Variants in PAMR1 observed in about 807,000 individuals in gnomAD.
PAMR1 encodes the protein peptidase domain containing associated with muscle regeneration 1.
Under a neutral mutation model 81.8 loss-of-function variants are expected in PAMR1, and 88 were observed. That is an observed-to-expected ratio of 1.08 (90% CI 0.91 to 1.28). The LOEUF (loss-of-function observed/expected upper bound fraction) is 1.28, where lower values mean the gene tolerates loss of function less well. PAMR1 is among the 50% of genes most tolerant of loss of function. PAMR1 has a pLI of 0.00. For synonymous variants in PAMR1, 336 were observed against 345.3 expected (o/e 0.97, Z 0.30); for missense variants, 935 against 919.7 (o/e 1.02, Z -0.21).
intron 5 of PAMR1, among the ~76,000 whole-genome samples, chr11:35,468,558 A>G (rs1856797356): frequency 6.6e-6 from 1 of 152,256 alleles, no homozygotes; most frequent in African/African-American, 2.4e-5. Flanking sequence ...AGGTATATTC[A>G]ATAATTTCCA....
At chr11:35,453,468 AAAC>A (rs1856463808) in intron 6 of PAMR1, 1 of 150,014 alleles carries the variant, frequency 6.7e-6, no homozygotes, top group East Asian at 2.0e-4. Flanking sequence ...ATCCTACATC[AAAC>A]AACTACTCCC....
upstream of PAMR1, among the ~76,000 whole-genome samples, chr11:35,527,983 T>C (rs1851418337): frequency 6.6e-6 from 1 of 152,100 alleles, no homozygotes; most frequent in Non-Finnish European, 1.5e-5. Context: ...GTGGGGTTTC[T>C]TTTCATCTTC....
At chr11:35,436,871 A>T (rs1856059402) in intron 8 of PAMR1, among the ~76,000 whole-genome samples, 1 of 152,362 alleles carries the variant, frequency 6.6e-6, no homozygotes, top group Middle Eastern at 3.4e-3. Flanking sequence ...TAATTGCAAC[A>T]TTAAACAAAA....
chr11:35,506,014 T>G (rs1850943890), intron 1 of PAMR1, among the ~76,000 whole-genome samples: 1 of 152,056 alleles, frequency 6.6e-6, no homozygotes, highest in African/African-American at 2.4e-5. Context: ...TTTTACTGTA[T>G]CTATTACAGA....
intron 3 of PAMR1, among the ~76,000 whole-genome samples, chr11:35,481,043 T>C (rs553815703): frequency 4.6e-5 from 7 of 152,242 alleles, no homozygotes; most frequent in Non-Finnish European, 1.0e-4. Flanking sequence ...CTCATTCCTT[T>C]TTATGGCTAC....
chr11:35,505,675 C>G (rs112849231), intron 1 of PAMR1, among the ~76,000 whole-genome samples: 174 of 152,232 alleles, frequency 1.1e-3, no homozygotes, highest in African/African-American at 4.0e-3. Context: ...TATAACCACT[C>G]TTGCTCTTTT....
chr11:35,481,556 T>C (rs564982783), intron 3 of PAMR1, among the ~76,000 whole-genome samples: 14 of 152,076 alleles, frequency 9.2e-5, no homozygotes, highest in Admixed American at 8.5e-4. Flanking sequence ...AGATTCTTGC[T>C]CCGTTGCCCA....
At chr11:35,500,028 G>C (rs1850801570) in intron 1 of PAMR1, among the ~76,000 whole-genome samples, 1 of 152,188 alleles carries the variant, frequency 6.6e-6, no homozygotes, top group African/African-American at 2.4e-5. Context: ...AACCCAAGGA[G>C]GCAGGCAGGC....
intron 4 of PAMR1, 151 bp from the exon 5 acceptor site, chr11:35,470,969 C>G: frequency 1.6e-6 from 1 of 630,326 alleles, no homozygotes. Context: ...CAGAGGTTGG[C>G]GAATTTCTCT....
intron 1 of PAMR1, among the ~76,000 whole-genome samples, chr11:35,504,473 T>C (rs530526950): frequency 9.9e-5 from 15 of 152,254 alleles, no homozygotes; most frequent in African/African-American, 3.6e-4. Context: ...TCTTTAAATG[T>C]TTGGTAGAAT....
chr11:35,478,032 G>A (rs1358940305), intron 3 of PAMR1, among the ~76,000 whole-genome samples: 2 of 152,162 alleles, frequency 1.3e-5, no homozygotes, highest in Non-Finnish European at 2.9e-5. Flanking sequence ...TTCCCAGCCT[G>A]TAAGGTGTTA....
intron 6 of PAMR1, among the ~76,000 whole-genome samples, chr11:35,466,777 C>T (rs1345087191): frequency 1.6e-5 from 2 of 124,660 alleles, no homozygotes; most frequent in African/African-American, 6.0e-5. Context: ...TAATTCAAAA[C>T]ATACACAAAC....
At chr11:35,524,105 T>C (rs962027693) in intron 1 of PAMR1, among the ~76,000 whole-genome samples, 3 of 152,052 alleles carry the variant, frequency 2.0e-5, no homozygotes, top group Non-Finnish European at 4.4e-5. Flanking sequence ...ACCGACACCA[T>C]GCAAAGGCGA....
intron 1 of PAMR1, among the ~76,000 whole-genome samples, chr11:35,512,492 A>G (rs1851091334): frequency 6.6e-6 from 1 of 152,226 alleles, no homozygotes; most frequent in Admixed American, 6.5e-5. Flanking sequence ...CTGAGAGTTC[A>G]TGCCTCTGAC....
chr11:35,519,777 C>G (rs114183276), intron 1 of PAMR1, among the ~76,000 whole-genome samples: 1,607 of 152,288 alleles, frequency 0.011, 20 homozygotes, highest in African/African-American at 0.036. Flanking sequence ...AATCAGACAC[C>G]CTTACTAACA....
chr11:35,508,807 T>C (rs776874751), intron 1 of PAMR1, among the ~76,000 whole-genome samples: 1 of 152,072 alleles, frequency 6.6e-6, no homozygotes, highest in African/African-American at 2.4e-5. Flanking sequence ...GAGTGTTTGG[T>C]TTTCTGTTCT....
At chr11:35,493,827 T>G (rs917799332) in intron 2 of PAMR1, among the ~76,000 whole-genome samples, 1 of 152,232 alleles carries the variant, frequency 6.6e-6, no homozygotes, top group African/African-American at 2.4e-5. Flanking sequence ...GTATTCCCAG[T>G]ACCCCACATG....
intron 6 of PAMR1, among the ~76,000 whole-genome samples, chr11:35,457,187 C>T (rs150269785): frequency 2.0e-5 from 3 of 152,174 alleles, no homozygotes; most frequent in Non-Finnish European, 2.9e-5. Flanking sequence ...ATTGGTAGAA[C>T]GAGTAAAAAG....
intron 3 of PAMR1, among the ~76,000 whole-genome samples, chr11:35,481,188 T>C (rs1266142197): frequency 6.6e-6 from 1 of 152,216 alleles, no homozygotes; most frequent in Non-Finnish European, 1.5e-5. Flanking sequence ...GTCTCTATAG[T>C]AGAAAGATTC....
Sources: gnomAD v4.1 joint callset for allele counts (sites outside exome capture counted in the v4.1 genomes callset) on GRCh38, gnomAD v4.1.1 for gene constraint, MANE v1.5 for transcripts, NCBI Gene and HGNC (gene_info 2026-07-23, HGNC 2026-07-21) for gene names.